The following PKNOX2 variants were observed in gnomAD, a reference collection of about 807,000 sequenced individuals.
PKNOX2 encodes PBX/knotted 1 homeobox 2.
A neutral mutation model predicts 53.1 loss-of-function variants in PKNOX2; 14 were observed. The observed-to-expected ratio is 0.26, with a 90% CI of 0.17 to 0.41. PKNOX2 has a LOEUF of 0.41. Ranked by LOEUF, PKNOX2 falls within the 10% of genes least tolerant of loss-of-function variation. PKNOX2 has a pLI of 1.00. For synonymous variants in PKNOX2, 257 were observed against 242.8 expected, an observed-to-expected ratio of 1.06 and a Z score of -0.54; for missense variants, 496 against 602.8, an observed-to-expected ratio of 0.82 and a Z score of 1.85.
chr11:125,200,043 A>T (rs550747262), intron 1 of PKNOX2, among the ~76,000 whole-genome samples: 1 of 152,076 alleles, frequency 6.6e-6, no homozygotes, highest in Non-Finnish European at 1.5e-5. Flanking sequence ...CCACTTTCCC[A>T]TCTATAGACA....
chr11:125,430,162 C>T (rs1355299477), intron 12 of PKNOX2, 21 bp downstream of exon 12: 1 of 1,609,592 alleles, frequency 6.2e-7, no homozygotes, highest in South Asian at 1.1e-5. Context: ...GGGCTGAGTG[C>T]ACCCTAGACA....
chr11:125,289,240 T>C (rs1273195695), intron 2 of PKNOX2, among the ~76,000 whole-genome samples: 4 of 152,182 alleles, frequency 2.6e-5, no homozygotes, highest in Non-Finnish European at 4.4e-5. Context: ...AGACCCAAAA[T>C]GGGGAGAAGG....
At chr11:125,413,588 A>AG (rs1555173112) in intron 10 of PKNOX2, among the ~76,000 whole-genome samples, 5 of 152,184 alleles carry the variant, frequency 3.3e-5, no homozygotes, top group Admixed American at 6.5e-5. Context: ...GCAGGGTCAC[A>AG]GGGGTGCTAG....
At chr11:125,189,579 A>G (rs1379737936) in intron 1 of PKNOX2, among the ~76,000 whole-genome samples, 3 of 148,696 alleles carry the variant, frequency 2.0e-5, no homozygotes, top group African/African-American at 7.4e-5. Flanking sequence ...TTGTTGTCTC[A>G]ATTCAATTTA....
At chr11:125,199,195 A>C (rs1444878536) in intron 1 of PKNOX2, among the ~76,000 whole-genome samples, 1 of 151,888 alleles carries the variant, frequency 6.6e-6, no homozygotes, top group Admixed American at 6.6e-5. Flanking sequence ...GCCCCAGCCC[A>C]GCCCCAGGTG....
At chr11:125,409,753 T>C (rs1212924569) in intron 7 of PKNOX2, among the ~76,000 whole-genome samples, 1 of 151,960 alleles carries the variant, frequency 6.6e-6, no homozygotes, top group African/African-American at 2.4e-5. Flanking sequence ...CGGCTGACAG[T>C]GGAATCACCT....
chr11:125,211,500 G>T (rs900895459), intron 1 of PKNOX2, among the ~76,000 whole-genome samples: 5 of 152,078 alleles, frequency 3.3e-5, no homozygotes, highest in Non-Finnish European at 5.9e-5. Flanking sequence ...ATGTAAACTA[G>T]TAATAATTGC....
At chr11:125,411,471 T>TCTCTCC (rs1955515208) in intron 9 of PKNOX2, 1 of 343,316 alleles carries the variant, frequency 2.9e-6, no homozygotes, top group African/African-American at 2.9e-5. Context: ...TTTCTCTCTC[T>TCTCTCC]CTCTCTCTCT....
chr11:125,408,248 C>G (rs1316990571), intron 7 of PKNOX2, among the ~76,000 whole-genome samples: 1 of 152,192 alleles, frequency 6.6e-6, no homozygotes, highest in Non-Finnish European at 1.5e-5. Flanking sequence ...AGGGGCTCTT[C>G]CAGTTTCTAG....
chr11:125,400,725 C>T lies in PKNOX2; in HGVS notation c.588+2663C>T, dbSNP rs182964224. On this transcript the variant is annotated intron_variant, in intron 7 of 12. Transcript: ENST00000298282. ...TCCCTGATGCCCCATCCAGAATGGA[C>T]GCTTCCTGCACTCCACTAACTGGTG... Among the ~76,000 whole-genome samples the T allele has an allele frequency of 2.3e-3, 357 of 152,314 alleles. 1 individual carries two copies. The highest frequency in any genetic ancestry group is 6.8e-3 in the Middle Eastern group (2 of 294).
rs1948272713 is a variant in PKNOX2, at chr11:125,304,264, C to T, written c.-129-27555C>T. Among the ~76,000 whole-genome samples the T allele has an allele frequency of 2.6e-5, 4 of 152,370 alleles. No homozygotes were observed. The South Asian group carries it at 6.2e-4, about 24-fold the overall frequency. ...TCGCCCAGCTCTGGCCCTGAAAAGACGTTCCATTCCCCTTCCCTGGAAACC... is the reference window on the plus strand; with the variant it reads ...TCGCCCAGCTCTGGCCCTGAAAAGATGTTCCATTCCCCTTCCCTGGAAACC... On this transcript the variant is annotated intron_variant, in intron 2 of 12. Coordinates refer to ENST00000298282, the MANE Select transcript of PKNOX2 (RefSeq NM_001382323.2).
rs544632958 is a variant in PKNOX2, at chr11:125,330,969, G to A, written c.-129-850G>A. 1.6e-4 allele frequency among the ~76,000 whole-genome samples: 24 copies of A among 152,180 alleles called. 1 individual carries two copies. The highest frequency in any genetic ancestry group is 4.1e-4 in the South Asian group (2 of 4,824). Reference sequence around the variant, plus strand: ...GGCCCTCCTGGCCAGCGGTTCTCCCGATGCTGCTCTGAAAGTGCCGCCCAG... The same window carrying A: ...GGCCCTCCTGGCCAGCGGTTCTCCCAATGCTGCTCTGAAAGTGCCGCCCAG... On this transcript the variant is annotated intron_variant, in intron 2 of 12. Transcript: ENST00000298282.
chr11:125,234,448 T>A (rs950349078), intron 1 of PKNOX2, among the ~76,000 whole-genome samples: 1 of 152,232 alleles, frequency 6.6e-6, no homozygotes, highest in Non-Finnish European at 1.5e-5. Flanking sequence ...GATTTTTTTA[T>A]CTTTCCAGTC....
intron 1 of PKNOX2, among the ~76,000 whole-genome samples, chr11:125,201,267 A>G (rs648090): frequency 0.71 from 108,215 of 151,884 alleles, 38,648 homozygotes; most frequent in East Asian, 0.76. Flanking sequence ...GACATGCGGG[A>G]GCTCTGAGTG....
chr11:125,364,327 G>A (rs1171569273), intron 4 of PKNOX2, among the ~76,000 whole-genome samples: 1 of 152,204 alleles, frequency 6.6e-6, no homozygotes, highest in Non-Finnish European at 1.5e-5. Context: ...GTCCTCCTCA[G>A]ACCAGCTCTG....
At chr11:125,178,581 G>GAAA (rs1955876488) in intron 1 of PKNOX2, among the ~76,000 whole-genome samples, 2 of 31,424 alleles carry the variant, frequency 6.4e-5, no homozygotes, top group African/African-American at 4.0e-4. Context: ...AAGGAAGGAA[G>GAAA]GAAGGAAGGA....
intron 2 of PKNOX2, among the ~76,000 whole-genome samples, chr11:125,257,288 TAGGGGAG>T (rs1366756586): frequency 3.9e-5 from 6 of 151,938 alleles, no homozygotes; most frequent in East Asian, 1.9e-4. Context: ...TTGTCGGAGG[TAGGGGAG>T]AGGGGAGAGG....
At chr11:125,302,181 C>T (rs1948121299) in intron 2 of PKNOX2, among the ~76,000 whole-genome samples, 1 of 152,172 alleles carries the variant, frequency 6.6e-6, no homozygotes. Context: ...TGAGTGGACT[C>T]CCACAGAGGA....
chr11:125,316,582 G>T (rs1347461852), intron 2 of PKNOX2, among the ~76,000 whole-genome samples: 1 of 152,188 alleles, frequency 6.6e-6, no homozygotes, highest in South Asian at 2.1e-4. Flanking sequence ...TGAATCTTTT[G>T]GTTTCCCAGG....
Sources: allele counts gnomAD v4.1 joint callset (sites outside exome capture counted in the v4.1 genomes callset), GRCh38; gene constraint gnomAD v4.1.1; transcripts MANE v1.5; gene names NCBI Gene and HGNC (gene_info 2026-07-23, HGNC 2026-07-21).